RIDA: variants seen among roughly 807,000 people sequenced by gnomAD.
RIDA encodes reactive intermediate imine deaminase A.
In RIDA, 17 loss-of-function variants were observed where a neutral mutation model predicts 17.8. That is an observed-to-expected ratio of 0.96 (90% CI 0.65 to 1.43). The LOEUF is 1.43. RIDA is among the 40% of genes most tolerant of loss of function. The pLI is 0.00. For missense variants in RIDA, 158 were observed against 161.7 expected, an observed-to-expected ratio of 0.98 and a Z score of 0.12; for synonymous variants, 48 against 55.7, an observed-to-expected ratio of 0.86 and a Z score of 0.62.
intron 2 of RIDA, among the ~76,000 whole-genome samples, chr8:98,107,859 T>C (rs1815654452): frequency 6.6e-6 from 1 of 151,970 alleles, no homozygotes; most frequent in Non-Finnish European, 1.5e-5. Context: ...AACCTCCGCC[T>C]TCCGGGTTCA....
chr8:98,110,341 C>A lies in RIDA; in HGVS notation c.66-1590G>T, dbSNP rs376849325. Among the ~76,000 whole-genome samples the A allele has an allele frequency of 2.4e-4, 35 of 147,642 alleles. No homozygotes were observed. The East Asian group carries it at 5.4e-3, about 23-fold the overall frequency. ...GCAGTGGCACAATCTTGGCTCACTG[C>A]AACCTCCGCCTCCCGGGTTCAAACA... On this transcript the variant is annotated intron_variant, in intron 1 of 5. Coordinates refer to ENST00000254878, the MANE Select transcript of RIDA (RefSeq NM_005836.3).
chr8:98,104,517 G>C lies in RIDA; in HGVS notation c.323C>G (p.Ala108Gly), dbSNP rs770776366. 6.3e-7 allele frequency: 1 copy of C among 1,591,860 alleles called. No individual in the cohort carries two copies. The highest frequency in any genetic ancestry group is 8.6e-7 in the Non-Finnish European group (1 of 1,160,574). Residue 108 changes from alanine to glycine, a missense_variant, in exon 5 of 6, where the codon GCT (alanine) becomes GGT (glycine). Physicochemically the swap from Ala to Gly is moderately conservative, Grantham distance 60. Coordinates refer to ENST00000254878, the MANE Select transcript of RIDA (RefSeq NM_005836.3). ...GGGTAAAGCAGCAACTTGGTAAGCA[G>C]CTCTAGCAGGAAAATTACTCTTGAA... The part of the protein sequence containing the change: ...QYFKSNFPAR[A>G]AYQVAALPKG...
chr8:98,106,009 A>G lies in RIDA; in HGVS notation c.227-3T>C, dbSNP rs200317269. 6.3e-7 allele frequency: 1 copy of G among 1,591,238 alleles called. No homozygotes were observed. The highest frequency in any genetic ancestry group is 1.1e-5 in the South Asian group (1 of 90,562). Reference sequence around the variant, plus strand: ...CAGAAGAACAGTTGTTTTCACCACTAGAAGATATAAACATTGTCATTAGGT... The same window carrying G: ...CAGAAGAACAGTTGTTTTCACCACTGGAAGATATAAACATTGTCATTAGGT... On this transcript the variant is annotated splice_polypyrimidine_tract_variant and splice_region_variant and intron_variant, in intron 3 of 5. Coordinates refer to ENST00000254878, the MANE Select transcript of RIDA (RefSeq NM_005836.3).
In RIDA at chr8:98,117,120, C is replaced by T. The variant is rs1563766606; in HGVS notation, c.-24G>A. The T allele has an allele frequency of 6.2e-7, 1 of 1,612,254 alleles. No homozygotes were observed. Among genetic ancestry groups the T allele is most frequent in the African/African-American group, 1.3e-5 (1 of 75,048 alleles). On this transcript the variant is annotated 5_prime_UTR_variant, in exon 1 of 6. Transcript: ENST00000254878. ...ATGGCTAAGCCTTCCCTCTTGCAGC[C>T]CCTTCAGGAGAAGAAGCCCCAGCAC...
Position 98,115,934 on chromosome 8 carries a change from T to C in RIDA, c.65+1098A>G, listed in dbSNP as rs185797704. On this transcript the variant is annotated intron_variant, in intron 1 of 5. Coordinates refer to ENST00000254878, the MANE Select transcript of RIDA (RefSeq NM_005836.3). ...GTAAATTATAAGTGATATACAGATTTGGCAAACAAACAAACAAAAAAGACA... is the reference window on the plus strand; with the variant it reads ...GTAAATTATAAGTGATATACAGATTCGGCAAACAAACAAACAAAAAAGACA... Among the ~76,000 whole-genome samples the C allele has an allele frequency of 1.4e-4, 21 of 150,238 alleles. No individual in the cohort carries two copies. The East Asian group carries it at 4.0e-3, about 29-fold the overall frequency.
chr8:98,109,462 T>C (rs1049578267), intron 1 of RIDA, among the ~76,000 whole-genome samples: 2 of 152,174 alleles, frequency 1.3e-5, no homozygotes, highest in Non-Finnish European at 2.9e-5. Context: ...AAGACATCAC[T>C]GATAAAGTAA....
chr8:98,115,490 T>TA (rs1244616318), intron 1 of RIDA, among the ~76,000 whole-genome samples: 3 of 150,916 alleles, frequency 2.0e-5, no homozygotes, highest in Non-Finnish European at 4.4e-5. Context: ...TTGATTACAT[T>TA]AAGGAGAAAA....
intron 2 of RIDA, 108 bp downstream of exon 2, chr8:98,108,538 A>T: frequency 1.4e-6 from 1 of 733,434 alleles, no homozygotes; most frequent in East Asian, 2.5e-5. Context: ...TTTAAAAAAC[A>T]TTTATCTGTT....
At chr8:98,106,106 A>G (rs894029653) in intron 3 of RIDA, 100 bp from the exon 4 acceptor site, 15 of 1,118,678 alleles carry the variant, frequency 1.3e-5, no homozygotes, top group Admixed American at 5.5e-5. Context: ...CTTGATTAAA[A>G]TGGGACTGAA....
intron 5 of RIDA, among the ~76,000 whole-genome samples, chr8:98,103,802 AATTTTTTTTTGT>A (rs1394543615): frequency 2.6e-5 from 4 of 151,704 alleles, no homozygotes; most frequent in Non-Finnish European, 5.9e-5. Flanking sequence ...ACACCCGGCT[AATTTTTTTTTGT>A]ATTTTTAGTA....
intron 5 of RIDA, among the ~76,000 whole-genome samples, chr8:98,103,808 T>G (rs972826904): frequency 2.6e-5 from 4 of 151,904 alleles, no homozygotes; most frequent in South Asian, 4.2e-4. Flanking sequence ...GGCTAATTTT[T>G]TTTTGTATTT....
chr8:98,108,225 G>A (rs1815661460), intron 2 of RIDA, among the ~76,000 whole-genome samples: 1 of 151,904 alleles, frequency 6.6e-6, no homozygotes, highest in Non-Finnish European at 1.5e-5. Context: ...CCTAAATTAT[G>A]GTTTAATTAT....
chr8:98,111,749 TGAA>T (rs1389129995), intron 1 of RIDA, among the ~76,000 whole-genome samples: 1 of 152,188 alleles, frequency 6.6e-6, no homozygotes, highest in African/African-American at 2.4e-5. Context: ...TTTTATTTCA[TGAA>T]GTTTTCCTGG....
chr8:98,106,042 T>G, intron 3 of RIDA, 36 bp from the exon 4 acceptor site: 1 of 1,467,924 alleles, frequency 6.8e-7, no homozygotes, highest in Non-Finnish European at 9.5e-7. Context: ...GGTTTAGTTA[T>G]TTGGTCTGAC....
rs753330257 is a variant in RIDA at position 98,117,057 on chromosome 8, C to T, written c.40G>A (p.Ala14Thr). The change falls in exon 1 of 6, where the codon GCC becomes ACC. Residue 14 changes from alanine to threonine, a missense_variant. Physicochemically the swap from Ala to Thr is moderately conservative, Grantham distance 58. Coordinates refer to ENST00000254878, the MANE Select transcript of RIDA (RefSeq NM_005836.3). ...CTGTAGGGTCCAATGGCCCCTGGGG[C>T]TTTCGCGGTGCTGATCACCCTTCTG... is the stretch of plus-strand genomic sequence containing the variant. ...LIRRVISTAK[A>T]PGAIGPYSQA... 2.5e-5 allele frequency: 40 copies of T among 1,614,088 alleles called. No individual in the cohort carries two copies. Among genetic ancestry groups the T allele is most frequent in the Admixed American group, 3.3e-5 (2 of 60,014 alleles).
At chr8:98,105,129 A>G (rs910411995) in intron 4 of RIDA, among the ~76,000 whole-genome samples, 6 of 151,056 alleles carry the variant, frequency 4.0e-5, no homozygotes, top group Non-Finnish European at 8.9e-5. Flanking sequence ...GCAAAAAAAA[A>G]AAAAAAAAAA....
intron 4 of RIDA, 87 bp downstream of exon 4, chr8:98,105,851 C>G (rs541573113): frequency 1.2e-6 from 1 of 801,276 alleles, no homozygotes; most frequent in Non-Finnish European, 2.2e-6. Flanking sequence ...TCTCCTACCA[C>G]TCTTAATTCA....
At position 98,102,873 on chromosome 8, in the gene RIDA, A is replaced by G; in HGVS notation, c.383T>C (p.Ile128Thr). ...TGATGCCGTTGTCAGTGGTCCTTGGATAGCTACTGCTTCAATTTCAATTCG... is the reference window on the plus strand; with the variant it reads ...TGATGCCGTTGTCAGTGGTCCTTGGGTAGCTACTGCTTCAATTTCAATTCG... ...GSRIEIEAVAIQGPLTTASL is the reference protein window; with the variant it reads ...GSRIEIEAVATQGPLTTASL The change falls in exon 6 of 6, where the codon ATC (isoleucine) becomes ACC (threonine). Residue 128 changes from isoleucine (I) to threonine (T), a missense_variant. Transcript: ENST00000254878. 1 of 1,613,542 alleles carries G rather than the reference A, an allele frequency of 6.2e-7. No homozygotes were observed. The highest frequency in any genetic ancestry group is 1.1e-5 in the South Asian group (1 of 91,044).
At chr8:98,113,672 T>G (rs1354961803) in intron 1 of RIDA, 1 of 152,220 alleles carries the variant, frequency 6.6e-6, no homozygotes, top group African/African-American at 2.4e-5. Flanking sequence ...TGTTATGCTT[T>G]CTTTCCTGAA....
Sources: gnomAD v4.1 joint callset for allele counts (sites outside exome capture counted in the v4.1 genomes callset) on GRCh38, gnomAD v4.1.1 for gene constraint, MANE v1.5 for transcripts, NCBI Gene and HGNC (gene_info 2026-07-23, HGNC 2026-07-21) for gene names.